Variants in BTF3L4 observed in about 807,000 individuals in gnomAD.
The protein encoded by BTF3L4 is basic transcription factor 3 like 4, also known as transcription factor BTF3 homolog 4.
A neutral mutation model predicts 16.8 loss-of-function variants in BTF3L4; 6 were observed. That is an observed-to-expected ratio of 0.36 (90% CI 0.20 to 0.71). The LOEUF (loss-of-function observed/expected upper bound fraction) is 0.71, where lower values mean the gene tolerates loss of function less well. Among genes scored for constraint, BTF3L4 ranks in the 30% least tolerant of loss-of-function variants. The pLI is 0.58. For missense variants in BTF3L4, 92 were observed against 186.9 expected, an observed-to-expected ratio of 0.49 and a Z score of 2.96; for synonymous variants, 39 against 59.8, an observed-to-expected ratio of 0.65 and a Z score of 1.60.
rs1686607043 is a variant in BTF3L4 at position 52,064,924 on chromosome 1, G to C, written c.154G>C (p.Ala52Pro). 1.9e-6 allele frequency: 3 copies of C among 1,609,048 alleles called. No homozygotes were observed. The highest frequency in any genetic ancestry group is 2.6e-6 in the Non-Finnish European group (3 of 1,176,180). Residue 52 changes from alanine to proline, a missense_variant, in exon 3 of 6, where the codon GCT becomes CCT. Coordinates refer to ENST00000313334, the MANE Select transcript of BTF3L4 (RefSeq NM_152265.5). ...AAAAAAACTGGCTGTGAATAATATAGCTGGTATTGAAGAGGTATGATCACT... is the reference window on the plus strand; with the variant it reads ...AAAAAAACTGGCTGTGAATAATATACCTGGTATTGAAGAGGTATGATCACT... ...SLKKLAVNNI[A>P]GIEEVNMIKD... is the part of the protein sequence containing the mutation.
At chr1:52,077,250 G>A (rs1380996279) in intron 3 of BTF3L4, among the ~76,000 whole-genome samples, 1 of 152,316 alleles carries the variant, frequency 6.6e-6, no homozygotes, top group East Asian at 1.9e-4. Context: ...GGATGGAGTA[G>A]GCAACTGCTG....
chr1:52,069,757 A>G (rs1368780690), intron 3 of BTF3L4, among the ~76,000 whole-genome samples: 5 of 152,272 alleles, frequency 3.3e-5, no homozygotes, highest in Non-Finnish European at 1.5e-5. Flanking sequence ...GCAGTAGTGG[A>G]TCTCAAAATT....
chr1:52,083,116 A>G (rs1318044119), intron 3 of BTF3L4, among the ~76,000 whole-genome samples: 1 of 152,168 alleles, frequency 6.6e-6, no homozygotes, highest in Non-Finnish European at 1.5e-5. Context: ...AGATTCTATA[A>G]TGAATTGAAT....
intron 3 of BTF3L4, among the ~76,000 whole-genome samples, chr1:52,082,468 C>T (rs1002104165): frequency 6.6e-6 from 1 of 152,146 alleles, no homozygotes; most frequent in Non-Finnish European, 1.5e-5. Flanking sequence ...GGTGTGGTGG[C>T]TCATGCCTGT....
intron 2 of BTF3L4, chr1:52,060,386 C>A: frequency 1.9e-6 from 2 of 1,034,614 alleles, no homozygotes; most frequent in Non-Finnish European, 1.3e-6. Context: ...AGAGGTTTAG[C>A]TGGAGATGCT....
At chr1:52,079,695 G>A (rs6588421) in intron 3 of BTF3L4, among the ~76,000 whole-genome samples, 139,921 of 151,914 alleles carry the variant, frequency 0.92, 65,306 homozygotes, top group Non-Finnish European at 1. Flanking sequence ...AACTCCATGA[G>A]TTTGTTTATT....
intron 5 of BTF3L4, chr1:52,086,374 C>T: frequency 2.1e-6 from 1 of 487,000 alleles, no homozygotes. Context: ...CAAAGCTCTG[C>T]TGCCTGGATT....
At chr1:52,063,471 A>C (rs1471147455) in intron 2 of BTF3L4, among the ~76,000 whole-genome samples, 1 of 152,006 alleles carries the variant, frequency 6.6e-6, no homozygotes, top group African/African-American at 2.4e-5. Context: ...CTCCCACCGG[A>C]ATTGCTGAGA....
intron 1 of BTF3L4, among the ~76,000 whole-genome samples, chr1:52,059,236 C>G (rs975020542): frequency 2.0e-5 from 3 of 152,236 alleles, no homozygotes; most frequent in African/African-American, 7.2e-5. Context: ...CACCAAATGT[C>G]TGAAAACCTG....
rs1487855678 is a variant in BTF3L4, at chr1:52,090,385, C to T, written c.*3627C>T. ...CTAGGCACAGAAAGTCTCCATTCTACACTGCATTTCAACCTGTGTTGAACA... is the reference window on the plus strand; with the variant it reads ...CTAGGCACAGAAAGTCTCCATTCTATACTGCATTTCAACCTGTGTTGAACA... On this transcript the variant is annotated 3_prime_UTR_variant, in exon 6 of 6. Coordinates refer to ENST00000313334, the MANE Select transcript of BTF3L4 (RefSeq NM_152265.5). 1 of 152,218 alleles carries T rather than the reference C, an allele frequency of 6.6e-6. No individual in the cohort carries two copies. Among genetic ancestry groups the T allele is most frequent in the Non-Finnish European group, 1.5e-5 (1 of 68,036 alleles). 9.4% of individuals were successfully genotyped at this position (152,218 alleles called of 1,614,324 possible).
Position 52,090,380 on chromosome 1 carries a change from TTCTACACTGCATTTCA to T in BTF3L4, c.*3623_*3638del, listed in dbSNP as rs1205457156. The T allele has an allele frequency of 6.6e-6, 1 of 152,194 alleles. No homozygotes were observed. The highest frequency in any genetic ancestry group is 1.9e-4 in the East Asian group (1 of 5,202). The allele number at this position is 152,194 out of a possible 1,614,324, so 9.4% of individuals were successfully genotyped here. A position where few individuals can be genotyped will look rare whatever the true frequency, so the allele number is the denominator to read the frequency against. On this transcript the variant is annotated 3_prime_UTR_variant, in exon 6 of 6. Transcript: ENST00000313334. ...TGGTTCTAGGCACAGAAAGTCTCCATTCTACACTGCATTTCAACCTGTGTTGAACAACACTCCAGTT... is the reference window on the plus strand; with the variant it reads ...TGGTTCTAGGCACAGAAAGTCTCCATACCTGTGTTGAACAACACTCCAGTT...
In BTF3L4 at chr1:52,083,463, C is replaced by T. The variant is rs1033163721; in HGVS notation, c.292C>T (p.Leu98Phe). ...HAEAKPITEM[L>F]PGILSQLGAD... ...AGAAGCCAAACCAATCACAGAAATG[C>T]TTCCTGGAATATTAAGTCAGCTTGG... The change falls in exon 4 of 6, where the codon CTT becomes TTT. Residue 98 changes from leucine (L) to phenylalanine (F), a missense_variant. Leu to Phe is a conservative substitution (Grantham distance 22). Coordinates refer to ENST00000313334, the MANE Select transcript of BTF3L4 (RefSeq NM_152265.5). 1.9e-6 allele frequency: 3 copies of T among 1,612,524 alleles called. No individual in the cohort carries two copies. The highest frequency in any genetic ancestry group is 3.3e-5 in the Admixed American group (2 of 59,998).
intron 2 of BTF3L4, among the ~76,000 whole-genome samples, chr1:52,063,576 C>T (rs950038894): frequency 6.6e-6 from 1 of 152,168 alleles, no homozygotes; most frequent in African/African-American, 2.4e-5. Context: ...TCTCCTTACT[C>T]CTACCAGTTT....
intron 3 of BTF3L4, among the ~76,000 whole-genome samples, chr1:52,066,108 T>G (rs1686640625): frequency 6.6e-6 from 1 of 152,302 alleles, no homozygotes; most frequent in Non-Finnish European, 1.5e-5. Context: ...AGACCAAAGA[T>G]TAATGTTATT....
intron 3 of BTF3L4, among the ~76,000 whole-genome samples, chr1:52,075,716 T>A (rs1181895306): frequency 6.6e-6 from 1 of 151,716 alleles, no homozygotes; most frequent in Non-Finnish European, 1.5e-5. Flanking sequence ...CAGGCTGAAG[T>A]GCGGTGGCGC....
intron 4 of BTF3L4, among the ~76,000 whole-genome samples, chr1:52,083,972 A>G (rs1643946601): frequency 6.6e-6 from 1 of 151,376 alleles, no homozygotes; most frequent in Non-Finnish European, 1.5e-5. Flanking sequence ...GTGAGCTGAG[A>G]TCATGCCATT....
At chr1:52,072,611 A>T (rs1213866703) in intron 3 of BTF3L4, among the ~76,000 whole-genome samples, 3 of 152,128 alleles carry the variant, frequency 2.0e-5, no homozygotes, top group Non-Finnish European at 4.4e-5. Flanking sequence ...GAAAACACTC[A>T]CTTAACTTAG....
At chr1:52,078,183 G>A (rs1686977493) in intron 3 of BTF3L4, among the ~76,000 whole-genome samples, 2 of 150,332 alleles carry the variant, frequency 1.3e-5, no homozygotes, top group Non-Finnish European at 1.5e-5. Flanking sequence ...CTCCTGAGTA[G>A]CTAAGACTAT....
Position 52,087,120 on chromosome 1 carries a change from C to T in BTF3L4, c.*362C>T, listed in dbSNP as rs1343509972. 1 of 173,992 alleles carries T rather than the reference C, an allele frequency of 5.7e-6. No individual in the cohort carries two copies. The highest frequency in any genetic ancestry group is 1.2e-5 in the Non-Finnish European group (1 of 82,562). The allele number at this position is 173,992 out of a possible 1,614,324, so 10.8% of individuals were successfully genotyped here. A position where few individuals can be genotyped will look rare whatever the true frequency, so the allele number is the denominator to read the frequency against. On this transcript the variant is annotated 3_prime_UTR_variant, in exon 6 of 6. Coordinates refer to ENST00000313334, the MANE Select transcript of BTF3L4 (RefSeq NM_152265.5). ...ATTGGAAAACAGTTCTATTTATCCT[C>T]CTCCCTCCCCAGTAGAAATAAAAAA...
Sources: gnomAD v4.1 joint callset for allele counts (sites outside exome capture counted in the v4.1 genomes callset) on GRCh38, gnomAD v4.1.1 for gene constraint, MANE v1.5 for transcripts, NCBI Gene and HGNC (gene_info 2026-07-23, HGNC 2026-07-21) for gene names.